Variants in INTS1 observed in about 807,000 individuals in gnomAD.
The protein encoded by INTS1 is integrator complex subunit 1.
INTS1 carries 137 observed loss-of-function variants against 241.6 expected under a neutral mutation model. The observed-to-expected ratio is 0.57, with a 90% CI of 0.49 to 0.65. The LOEUF (loss-of-function observed/expected upper bound fraction) is 0.65, where lower values mean the gene tolerates loss of function less well. INTS1 is among the 30% of genes least tolerant of loss of function. The probability of loss-of-function intolerance (pLI) is 0.00; values close to 1 mark genes in which losing one functional copy is unlikely to be tolerated. For synonymous variants in INTS1, 1,692 were observed against 1,337.8 expected (o/e 1.26, Z -5.78); for missense variants, 3,073 against 3,032.2 (o/e 1.01, Z -0.32).
In INTS1 at chr7:1,482,649, C is replaced by A; in HGVS notation, c.3600G>T (p.Leu1200=). 2 of 1,612,822 alleles carry A rather than the reference C, an allele frequency of 1.2e-6. No individual in the cohort carries two copies. Among genetic ancestry groups the A allele is most frequent in the Non-Finnish European group, 1.7e-6 (2 of 1,179,868 alleles). ...ATGTGTCCACCAGGAAGGCGGTGGG[C>A]AGTGGCTTCTCCTCCGGAAACCAGA... ...LDIWFPEEKP[L]PTAFLVDTSE... Residue 1200 remains leucine (L), a synonymous_variant, in exon 27 of 48, where the codon CTG becomes CTT. Coordinates refer to ENST00000404767, the MANE Select transcript of INTS1 (RefSeq NM_001080453.3).
chr7:1,494,105 G>A (rs1162413181), intron 14 of INTS1, among the ~76,000 whole-genome samples, 194 bp from the exon 15 acceptor site: 1 of 152,208 alleles, frequency 6.6e-6, no homozygotes, highest in African/African-American at 2.4e-5. Flanking sequence ...AGTCTCGCCT[G>A]GACAAGGGGA....
chr7:1,487,967 G>A lies in INTS1; in HGVS notation c.2319-10C>T. 1 of 1,612,492 alleles carries A rather than the reference G, an allele frequency of 6.2e-7. No homozygotes were observed. Among genetic ancestry groups the A allele is most frequent in the East Asian group, 2.2e-5 (1 of 44,850 alleles). On this transcript the variant is annotated splice_polypyrimidine_tract_variant and intron_variant, in intron 18 of 47. Coordinates refer to ENST00000404767, the MANE Select transcript of INTS1 (RefSeq NM_001080453.3). ...TGGGTAGGAGTAGTTGCTAGGGCCA[G>A]ACGGGGGAGCGTGTCACCCTGCCCC... is the stretch of plus-strand genomic sequence containing the variant.
At chr7:1,471,847 G>A (rs1781481000) in intron 44 of INTS1, 1 of 601,650 alleles carries the variant, frequency 1.7e-6, no homozygotes, top group Non-Finnish European at 3.0e-6. Flanking sequence ...CCTCCAAGGA[G>A]AGGGGTTGAC....
In INTS1 at chr7:1,477,939, G is replaced by A; in HGVS notation, c.4631-3C>T. ...CACCTCGATCAGCCCCTGGAGGACTGCGCAAGGGACAAAGAGACATGTGGG... is the reference window on the plus strand; with the variant it reads ...CACCTCGATCAGCCCCTGGAGGACTACGCAAGGGACAAAGAGACATGTGGG... On this transcript the variant is annotated splice_polypyrimidine_tract_variant and splice_region_variant and intron_variant, in intron 33 of 47. Coordinates refer to ENST00000404767, the MANE Select transcript of INTS1 (RefSeq NM_001080453.3). 1.2e-6 allele frequency: 2 copies of A among 1,612,206 alleles called. No individual in the cohort carries two copies. Among genetic ancestry groups the A allele is most frequent in the Non-Finnish European group, 1.7e-6 (2 of 1,179,540 alleles).
intron 18 of INTS1, 81 bp from the exon 19 acceptor site, chr7:1,488,038 G>T: frequency 1.4e-6 from 2 of 1,458,894 alleles, no homozygotes; most frequent in South Asian, 1.2e-5. Context: ...GGTCAAGGAG[G>T]GTAAAACCCC....
chr7:1,499,815 C>G, intron 5 of INTS1, 69 bp downstream of exon 5: 1 of 1,540,160 alleles, frequency 6.5e-7, no homozygotes, highest in African/African-American at 1.4e-5. Flanking sequence ...CACACTTCTG[C>G]TTTTCTCTCG....
intron 16 of INTS1, among the ~76,000 whole-genome samples, chr7:1,490,050 C>T (rs547756703): frequency 3.3e-5 from 5 of 150,288 alleles, no homozygotes; most frequent in African/African-American, 5.0e-5. Flanking sequence ...AATCAAAGCA[C>T]GGGCCCCTCG....
rs1020917316 is a variant in INTS1 at position 1,473,795 on chromosome 7, A to G, written c.5830-102T>C. On this transcript the variant is annotated intron_variant, in intron 41 of 47. Coordinates refer to ENST00000404767, the MANE Select transcript of INTS1 (RefSeq NM_001080453.3). ...CAGAGCCTCAGGGCATGGACCCCAC[A>G]GCCAACGAGCCCCCTCTGCCAACCA... The G allele has an allele frequency of 1.3e-5, 19 of 1,417,858 alleles. No individual in the cohort carries two copies. In the African/African-American group the frequency reaches 1.6e-4, roughly 12 times the overall value. The allele number at this position is 1,417,858 out of a possible 1,614,324, so 87.8% of individuals were successfully genotyped here. A position where few individuals can be genotyped will look rare whatever the true frequency, so the allele number is the denominator to read the frequency against.
rs1260904579 is a variant in INTS1 at position 1,498,234 on chromosome 7, A to G, written c.1425+178T>C. ...GACGCTGGGCGCTGTGGCTGCACCC[A>G]CTCTAGAAACGGCTCAACCTCATGC... is the stretch of plus-strand genomic sequence containing the variant. On this transcript the variant is annotated intron_variant, in intron 10 of 47. Transcript: ENST00000404767. 5.5e-6 allele frequency: 5 copies of G among 903,796 alleles called. No homozygotes were observed. In the Middle Eastern group the frequency reaches 1.0e-3, roughly 186 times the overall value. The allele number at this position is 903,796 out of a possible 1,614,324, so 56.0% of individuals were successfully genotyped here.
At chr7:1,473,822 T>A in intron 41 of INTS1, 129 bp from the exon 42 acceptor site, 2 of 1,204,206 alleles carry the variant, frequency 1.7e-6, no homozygotes, top group South Asian at 2.8e-5. Context: ...TGCCAACCAC[T>A]GGGGCGTCAC....
intron 17 of INTS1, 68 bp from the exon 18 acceptor site, chr7:1,489,472 C>G: frequency 3.2e-6 from 5 of 1,555,656 alleles, no homozygotes; most frequent in Non-Finnish European, 4.4e-6. Context: ...CCCCGCTTCT[C>G]CCAGCTCCTC....
chr7:1,474,954 G>A (rs1781642319), intron 39 of INTS1, 116 bp from the exon 40 acceptor site: 3 of 1,363,628 alleles, frequency 2.2e-6, no homozygotes, highest in African/African-American at 2.9e-5. Context: ...CATGAGCAGA[G>A]GAACTGGCTC....
At position 1,494,900 on chromosome 7, in the gene INTS1, A is replaced by G; in HGVS notation, c.1833-7T>C. 1 of 1,556,158 alleles carries G rather than the reference A, an allele frequency of 6.4e-7. No individual in the cohort carries two copies. The highest frequency in any genetic ancestry group is 8.7e-7 in the Non-Finnish European group (1 of 1,150,708). On this transcript the variant is annotated splice_region_variant and splice_polypyrimidine_tract_variant and intron_variant, in intron 13 of 47. Transcript: ENST00000404767. ...GAACAGCACCTTGTGCAGGCTGGGC[A>G]GGCAGAGAAGAGCCCTCAGTCATGA...
chr7:1,487,405 T>C lies in INTS1; in HGVS notation c.2561A>G (p.Lys854Arg), dbSNP rs747254416. The change falls in exon 20 of 48, where the codon AAA (lysine) becomes AGA (arginine). Residue 854 changes from lysine to arginine, a missense_variant. Coordinates refer to ENST00000404767, the MANE Select transcript of INTS1 (RefSeq NM_001080453.3). ...GAGGCGGAGGGACTGGTTGAGGCTT[T>C]TCACTTGATCCAGGATGTGAGGGGG... ...RPPPHILDQV[K>R]SLNQSLRLGH... 9 of 1,612,224 alleles carry C rather than the reference T, an allele frequency of 5.6e-6. No individual in the cohort carries two copies. In the East Asian group the frequency reaches 2.0e-4, roughly 36 times the overall value.
At chr7:1,498,938 C>A in intron 8 of INTS1, 37 bp downstream of exon 8, 1 of 1,407,486 alleles carries the variant, frequency 7.1e-7, no homozygotes. Context: ...CTGCCCCCAC[C>A]CCCTGCCCCG....
At chr7:1,483,509 T>C in intron 26 of INTS1, 1 of 591,082 alleles carries the variant, frequency 1.7e-6, no homozygotes, top group Non-Finnish European at 3.1e-6. Context: ...CTCAGGGCTC[T>C]ACAGGCTGGG....
At chr7:1,502,202 C>T (rs112599390) in intron 3 of INTS1, among the ~76,000 whole-genome samples, 10,240 of 152,092 alleles carry the variant, frequency 0.067, 493 homozygotes, top group Non-Finnish European at 0.11. Flanking sequence ...AAAGAAATTA[C>T]CCAAAAGAGA....
chr7:1,503,231 C>T (rs141408720), intron 2 of INTS1, 40 bp from the exon 3 acceptor site: 2 of 1,508,950 alleles, frequency 1.3e-6, no homozygotes, highest in Non-Finnish European at 1.8e-6. Flanking sequence ...ACATTTGCAA[C>T]ACCCAAGATG....
At position 1,486,660 on chromosome 7, in the gene INTS1, A is replaced by G; in HGVS notation, c.2941T>C (p.Ser981Pro). The G allele has an allele frequency of 2.5e-6, 4 of 1,612,090 alleles. No individual in the cohort carries two copies. Among genetic ancestry groups the G allele is most frequent in the Non-Finnish European group, 3.4e-6 (4 of 1,179,596 alleles). ...AGCACGCGGGAGGCCACCTGGGAGG[A>G]GCCGAGGCGCCGCAAGAAGTAGTCC... ...VLDYFLRRLG[S>P]SQVASRVLAM... The change falls in exon 22 of 48, where the codon TCC (serine) becomes CCC (proline). Residue 981 changes from serine to proline, a missense_variant. Ser to Pro is a moderately conservative substitution (Grantham distance 74). Coordinates refer to ENST00000404767, the MANE Select transcript of INTS1 (RefSeq NM_001080453.3).
Sources: allele counts gnomAD v4.1 joint callset (sites outside exome capture counted in the v4.1 genomes callset), GRCh38; gene constraint gnomAD v4.1.1; transcripts MANE v1.5; gene names NCBI Gene and HGNC (gene_info 2026-07-23, HGNC 2026-07-21).